CCHCR1: variants seen among roughly 807,000 people sequenced by gnomAD.
The protein encoded by CCHCR1 is coiled-coil alpha-helical rod protein 1.
CCHCR1 carries 91 observed loss-of-function variants against 114.6 expected under a neutral mutation model. The ratio of observed to expected loss-of-function variants is 0.79; its 90% CI spans 0.67 to 0.94. The LOEUF is 0.94. CCHCR1 is among the 40% of genes least tolerant of loss of function. The pLI is 0.00. For missense variants in CCHCR1, 899 were observed against 1,079.9 expected (o/e 0.83, Z 2.35); for synonymous variants, 379 against 428.5 (o/e 0.88, Z 1.43).
chr6:31,153,752 G>T (rs1265107), intron 4 of CCHCR1, among the ~76,000 whole-genome samples: 21,794 of 152,104 alleles, frequency 0.14, 1,704 homozygotes, highest in East Asian at 0.3. Flanking sequence ...GTGAATTTTT[G>T]TATTTTTAGT....
Position 31,145,072 on chromosome 6 carries a change from C to A in CCHCR1, c.1878G>T (p.Gly626=). 1 of 1,600,056 alleles carries A rather than the reference C, an allele frequency of 6.2e-7. No individual in the cohort carries two copies. Among genetic ancestry groups the A allele is most frequent in the South Asian group, 1.1e-5 (1 of 90,524 alleles). ...TGCTCAGCTGCTGCCGCTCTGCCTC[C>A]CCTAAAAGGAGGGGGTGCTGGGTCA... The part of the protein sequence containing the change: ...QQEVGRAREQ[G]EAERQQLSKV... Residue 626 remains glycine (G), a splice_region_variant and synonymous_variant, in exon 14 of 18, where the codon GGG becomes GGT. Coordinates refer to ENST00000396268, the MANE Select transcript of CCHCR1 (RefSeq NM_001105564.2).
chr6:31,153,777 G>A (rs1028010876), intron 4 of CCHCR1, among the ~76,000 whole-genome samples: 3 of 151,930 alleles, frequency 2.0e-5, no homozygotes, highest in African/African-American at 7.3e-5. Context: ...ACAGGGTTTC[G>A]CCATGTTGGC....
Position 31,148,731 on chromosome 6 carries a change from G to A in CCHCR1, c.1363-3C>T. On this transcript the variant is annotated splice_region_variant and splice_polypyrimidine_tract_variant and intron_variant, in intron 8 of 17. Coordinates refer to ENST00000396268, the MANE Select transcript of CCHCR1 (RefSeq NM_001105564.2). ...ACTTTTTCCTGGAGTGAGGCCACCT[G>A]GGGGAGGAGAGAGAGCTAGGCAGGG... 1 of 1,591,378 alleles carries A rather than the reference G, an allele frequency of 6.3e-7. No individual in the cohort carries two copies. Among genetic ancestry groups the A allele is most frequent in the Non-Finnish European group, 8.6e-7 (1 of 1,160,448 alleles).
chr6:31,146,143 G>A (rs1290023603), intron 10 of CCHCR1, among the ~76,000 whole-genome samples: 1 of 151,974 alleles, frequency 6.6e-6, no homozygotes, highest in Non-Finnish European at 1.5e-5. Context: ...GTCAGGAATT[G>A]GAGACTAGCC....
intron 4 of CCHCR1, among the ~76,000 whole-genome samples, chr6:31,153,561 C>T (rs912276555): frequency 4.0e-5 from 6 of 151,042 alleles, no homozygotes; most frequent in African/African-American, 1.5e-4. Context: ...GGAATTCTCC[C>T]TTGTTTTCTC....
At chr6:31,148,076 T>C (rs2151016922) in intron 10 of CCHCR1, among the ~76,000 whole-genome samples, 1 of 152,270 alleles carries the variant, frequency 6.6e-6, no homozygotes, top group Non-Finnish European at 1.5e-5. Flanking sequence ...ACACTCTCCA[T>C]CCTTGAACAA....
chr6:31,150,477 T>A lies in CCHCR1; in HGVS notation c.1190A>T (p.Gln397Leu). The change falls in exon 7 of 18, where the codon CAG becomes CTG. Residue 397 changes from glutamine to leucine, a missense_variant. Physicochemically the swap from Gln to Leu is moderately radical, Grantham distance 113. Coordinates refer to ENST00000396268, the MANE Select transcript of CCHCR1 (RefSeq NM_001105564.2). The surrounding 1 kb of genome is among the most constrained non-coding windows in gnomAD (Gnocchi z 5.3). ...TACCTTCCTGGTCAGCTCCTCCTCC[T>A]GCAGGGCGAGGATGTGTGTGAGGCT... ...VQSLTHILALQEEELTRKVQP... is the reference protein window; with the variant it reads ...VQSLTHILALLEEELTRKVQP... 3 of 1,612,458 alleles carry A rather than the reference T, an allele frequency of 1.9e-6. No individual in the cohort carries two copies. Among genetic ancestry groups the A allele is most frequent in the Non-Finnish European group, 2.5e-6 (3 of 1,179,826 alleles).
At position 31,143,268 on chromosome 6, in the gene CCHCR1, G is replaced by C; in HGVS notation, c.2313C>G (p.Leu771=). 1 of 1,612,700 alleles carries C rather than the reference G, an allele frequency of 6.2e-7. No homozygotes were observed. Among genetic ancestry groups the C allele is most frequent in the Non-Finnish European group, 8.5e-7 (1 of 1,180,032 alleles). The change falls in exon 16 of 18, where the codon CTC becomes CTG. Residue 771 remains leucine, a synonymous_variant. Coordinates refer to ENST00000396268, the MANE Select transcript of CCHCR1 (RefSeq NM_001105564.2). This position sits in a 1 kb window ranked among gnomAD's most constrained non-coding sequence, Gnocchi z 5.3. The part of the protein sequence containing the change: ...RLQELERDKN[L]MLATLQQEGL... ...CTGCCCTCCTGTCTCCTACCAGCAT[G>C]AGGTTCTTATCCCTCTCTAGCTCCT...
intron 9 of CCHCR1, 22 bp downstream of exon 9, chr6:31,148,596 T>C (rs1774701588): frequency 1.2e-6 from 2 of 1,601,794 alleles, no homozygotes; most frequent in Non-Finnish European, 1.7e-6. Flanking sequence ...CCTCCCCGAG[T>C]CTCTAGTAGG....
At chr6:31,147,132 G>A (rs954954091) in intron 10 of CCHCR1, among the ~76,000 whole-genome samples, 1 of 152,116 alleles carries the variant, frequency 6.6e-6, no homozygotes, top group Non-Finnish European at 1.5e-5. Flanking sequence ...CAGGCACGGT[G>A]GCTCAAGCCT....
In CCHCR1 at chr6:31,143,276, T is replaced by C; in HGVS notation, c.2305A>G (p.Lys769Glu). The C allele has an allele frequency of 6.2e-7, 1 of 1,612,774 alleles. No individual in the cohort carries two copies. Among genetic ancestry groups the C allele is most frequent in the South Asian group, 1.1e-5 (1 of 91,088 alleles). Residue 769 changes from lysine to glutamate, a missense_variant, in exon 16 of 18, where the codon AAG (lysine) becomes GAG (glutamate). Coordinates refer to ENST00000396268, the MANE Select transcript of CCHCR1 (RefSeq NM_001105564.2). This position sits in a 1 kb window ranked among gnomAD's most constrained non-coding sequence, Gnocchi z 5.3. ...ARRLQELERD[K>E]NLMLATLQQE... ...CTGTCTCCTACCAGCATGAGGTTCT[T>C]ATCCCTCTCTAGCTCCTGCAAGCGC...
chr6:31,157,167 A>C, intron 1 of CCHCR1, 78 bp from the exon 2 acceptor site: 1 of 1,248,690 alleles, frequency 8.0e-7, no homozygotes, highest in Non-Finnish European at 1.2e-6. Context: ...TACAATAACA[A>C]AGTCATAATC....
At position 31,154,130 on chromosome 6, in the gene CCHCR1, ATC is replaced by A. The variant is rs374185818; in HGVS notation, c.801+364_801+365del. Among the ~76,000 whole-genome samples, 45 of 152,196 alleles carry A rather than the reference ATC, an allele frequency of 3.0e-4. No individual in the cohort carries two copies. Among genetic ancestry groups the A allele is most frequent in the African/African-American group, 1.0e-3 (43 of 41,510 alleles). On this transcript the variant is annotated intron_variant, in intron 4 of 17. Coordinates refer to ENST00000396268, the MANE Select transcript of CCHCR1 (RefSeq NM_001105564.2). This position sits in a 1 kb window ranked among gnomAD's most constrained non-coding sequence, Gnocchi z 4.1. ...AAGTACTGAGTTTGAGGACTGAATA[ATC>A]TCTCTCTCCCAGTCCACCATAGCCC...
chr6:31,146,225 A>C (rs1162979927), intron 10 of CCHCR1, among the ~76,000 whole-genome samples: 1 of 152,136 alleles, frequency 6.6e-6, no homozygotes, highest in African/African-American at 2.4e-5. Flanking sequence ...CATGCCTGTA[A>C]TCCCAGCTAC....
At chr6:31,153,871 C>T (rs1775618059) in intron 4 of CCHCR1, among the ~76,000 whole-genome samples, 2 of 152,356 alleles carry the variant, frequency 1.3e-5, no homozygotes, top group South Asian at 4.1e-4. Context: ...AGCCACTGCG[C>T]CCAGGGCTAT....
rs1438268497 is a variant in CCHCR1, at chr6:31,151,039, A to G, written c.885T>C (p.Ser295=). 8 of 1,612,980 alleles carry G rather than the reference A, an allele frequency of 5.0e-6. No homozygotes were observed. The highest frequency in any genetic ancestry group is 6.8e-6 in the Non-Finnish European group (8 of 1,180,048). ...CTTCCCCTGCTCTTCTGGTTTCCAG[A>G]CTACTCAGAGACTTCTCCAAGCCCT... The part of the protein sequence containing the change: ...KAEGLEKSLS[S]LETRRAGEAK... Residue 295 remains serine, a synonymous_variant, in exon 5 of 18, where the codon AGT becomes AGC. Transcript: ENST00000396268. This position sits in a 1 kb window ranked among gnomAD's most constrained non-coding sequence, Gnocchi z 4.1.
Position 31,150,722 on chromosome 6 carries a change from C to T in CCHCR1, c.1101+3G>A. ...GCACACAGATACATTCCTGCACCCT[C>T]ACCTGCATGGTTTCCAGAAGCTTCT... On this transcript the variant is annotated splice_donor_region_variant and intron_variant, in intron 6 of 17. Coordinates refer to ENST00000396268, the MANE Select transcript of CCHCR1 (RefSeq NM_001105564.2). This position sits in a 1 kb window ranked among gnomAD's most constrained non-coding sequence, Gnocchi z 5.3. 6.2e-7 allele frequency: 1 copy of T among 1,612,066 alleles called. No individual in the cohort carries two copies. Among genetic ancestry groups the T allele is most frequent in the Non-Finnish European group, 8.5e-7 (1 of 1,179,422 alleles).
rs1349357046 is a variant in CCHCR1 at position 31,157,077 on chromosome 6, C to G, written c.229G>C (p.Gly77Arg). Residue 77 changes from glycine (G) to arginine (R), a missense_variant, in exon 2 of 18, where the codon GGC becomes CGC. Gly to Arg is a moderately radical substitution (Grantham distance 125, BLOSUM62 -2). Coordinates refer to ENST00000396268, the MANE Select transcript of CCHCR1 (RefSeq NM_001105564.2). ...RNLRRRGNID[G>R]WRQNLEPSNN... The stretch of plus-strand genomic sequence containing the variant: ...GAAGGCTCTAGATTCTGTCTCCAGC[C>G]ATCTATGTTCCCCTGGACAAGAGGA... The G allele has an allele frequency of 6.2e-7, 1 of 1,610,952 alleles. No individual in the cohort carries two copies. Among genetic ancestry groups the G allele is most frequent in the Non-Finnish European group, 8.5e-7 (1 of 1,178,814 alleles).
chr6:31,157,670 T>C lies in CCHCR1; in HGVS notation c.-70A>G, dbSNP rs1776277697. On this transcript the variant is annotated 5_prime_UTR_variant, in exon 1 of 18. Transcript: ENST00000396268. ...AGATCCCCAGGCAGAAAAGCCAGCG[T>C]CCTGACATCTTATTCAAATCTTTCC... The C allele has an allele frequency of 8.2e-7, 1 of 1,220,984 alleles. No individual in the cohort carries two copies. Among genetic ancestry groups the C allele is most frequent in the East Asian group, 2.5e-5 (1 of 40,480 alleles). The allele number at this position is 1,220,984 out of a possible 1,614,324, so 75.6% of individuals were successfully genotyped here.
Sources: gnomAD v4.1 joint callset for allele counts (sites outside exome capture counted in the v4.1 genomes callset) on GRCh38, gnomAD v4.1.1 for gene constraint, Gnocchi (gnomAD v3.1) non-coding constraint, MANE v1.5 for transcripts, NCBI Gene and HGNC (gene_info 2026-07-23, HGNC 2026-07-21) for gene names.